Variants in INPP4B observed in about 807,000 individuals in gnomAD.
INPP4B encodes the protein inositol polyphosphate-4-phosphatase type II B.
INPP4B carries 55 observed loss-of-function variants against 122.5 expected under a neutral mutation model. That is an observed-to-expected ratio of 0.45 (90% CI 0.36 to 0.56). The LOEUF is 0.56. Among genes scored for constraint, INPP4B ranks in the 20% least tolerant of loss-of-function variants. The pLI, the probability that INPP4B is intolerant of heterozygous loss-of-function variation, is 0.00. For missense variants in INPP4B, 1,000 were observed against 1,097.7 expected (o/e 0.91, Z 1.26); for synonymous variants, 403 against 388.7 (o/e 1.04, Z -0.43).
intron 15 of INPP4B, among the ~76,000 whole-genome samples, chr4:142,182,238 C>T (rs917623930): frequency 6.6e-6 from 1 of 152,058 alleles, no homozygotes; most frequent in Non-Finnish European, 1.5e-5. Context: ...CTGGGATCCT[C>T]TCTAAGTTCT....
At chr4:142,060,455 C>T (rs1253935558) in intron 25 of INPP4B, among the ~76,000 whole-genome samples, 1 of 152,160 alleles carries the variant, frequency 6.6e-6, no homozygotes. Flanking sequence ...ATTTATTACA[C>T]AGTGAGACAA....
intron 25 of INPP4B, among the ~76,000 whole-genome samples, chr4:142,059,797 T>C (rs1350277680): frequency 2.6e-5 from 4 of 152,146 alleles, no homozygotes; most frequent in Admixed American, 2.0e-4. Flanking sequence ...GCATAACATA[T>C]AGCTAGCTCA....
intron 2 of INPP4B, among the ~76,000 whole-genome samples, chr4:142,670,730 T>TGAAC (rs1407067065): frequency 6.6e-6 from 1 of 152,076 alleles, no homozygotes; most frequent in Non-Finnish European, 1.5e-5. Flanking sequence ...AAGAGATCAT[T>TGAAC]ACACAACATG....
At chr4:142,227,871 A>G (rs1305926508) in intron 12 of INPP4B, among the ~76,000 whole-genome samples, 4 of 150,322 alleles carry the variant, frequency 2.7e-5, no homozygotes, top group Non-Finnish European at 5.9e-5. Flanking sequence ...AAAAAAAAAA[A>G]AAAAAAAAAG....
intron 25 of INPP4B, among the ~76,000 whole-genome samples, chr4:142,071,500 C>T (rs1426148022): frequency 6.6e-6 from 1 of 152,118 alleles, no homozygotes; most frequent in Non-Finnish European, 1.5e-5. Context: ...TCTAATTAAA[C>T]TAAAGAGCTT....
intron 4 of INPP4B, among the ~76,000 whole-genome samples, chr4:142,430,050 T>C (rs1311746124): frequency 6.6e-6 from 1 of 152,018 alleles, no homozygotes; most frequent in Non-Finnish European, 1.5e-5. Flanking sequence ...AATGAAAGAG[T>C]ATTATACAAA....
chr4:142,075,678 A>T (rs1173266552), intron 25 of INPP4B, among the ~76,000 whole-genome samples: 1 of 151,958 alleles, frequency 6.6e-6, no homozygotes, highest in East Asian at 1.9e-4. Flanking sequence ...GAGTGTAGAG[A>T]GCAAGGGTAA....
intron 16 of INPP4B, among the ~76,000 whole-genome samples, chr4:142,167,440 A>G (rs1169671365): frequency 6.6e-6 from 1 of 151,738 alleles, no homozygotes; most frequent in Non-Finnish European, 1.5e-5. Flanking sequence ...TAGCTAATGC[A>G]TGCAGTGTTT....
intron 2 of INPP4B, among the ~76,000 whole-genome samples, chr4:142,634,983 G>T (rs977488093): frequency 6.6e-6 from 1 of 151,962 alleles, no homozygotes; most frequent in African/African-American, 2.4e-5. Flanking sequence ...CTAATATCCA[G>T]CATCTATAAC....
intron 3 of INPP4B, among the ~76,000 whole-genome samples, chr4:142,450,975 T>TCCC (rs34678278): frequency 4.1e-5 from 6 of 146,222 alleles, no homozygotes; most frequent in African/African-American, 1.3e-4. Context: ...TAAAATTAAC[T>TCCC]CCCCCCCCCA....
intron 11 of INPP4B, among the ~76,000 whole-genome samples, chr4:142,257,727 T>A (rs1473798793): frequency 6.6e-6 from 1 of 152,034 alleles, no homozygotes; most frequent in African/African-American, 2.4e-5. Context: ...AATAGAACAT[T>A]CTATGCTCAT....
intron 2 of INPP4B, among the ~76,000 whole-genome samples, chr4:142,521,970 A>G (rs1053392456): frequency 3.9e-5 from 6 of 152,120 alleles, no homozygotes; most frequent in Non-Finnish European, 7.4e-5. Context: ...TGAATTAACT[A>G]AAACATTCTT....
rs1210728512 is a variant in INPP4B, at chr4:142,408,082, G to A, written c.137-2758C>T. Among the ~76,000 whole-genome samples, 3 of 152,214 alleles carry A rather than the reference G, an allele frequency of 2.0e-5. No individual in the cohort carries two copies. In the East Asian group the frequency reaches 5.8e-4, roughly 29 times the overall value. ...TACATGAGTCATTGCATTTCATAAG[G>A]TGAAACCTATTCACATCATGGATCT... On this transcript the variant is annotated intron_variant, in intron 5 of 25. Coordinates refer to ENST00000262992, the MANE Select transcript of INPP4B (RefSeq NM_001101669.3).
At chr4:142,263,904 C>T (rs927390291) in intron 10 of INPP4B, among the ~76,000 whole-genome samples, 2 of 151,588 alleles carry the variant, frequency 1.3e-5, no homozygotes, top group Non-Finnish European at 2.9e-5. Flanking sequence ...CTTGAGTTGG[C>T]AACGTACCTG....
At chr4:142,746,718 C>T (rs537886589) in intron 1 of INPP4B, among the ~76,000 whole-genome samples, 46 of 152,176 alleles carry the variant, frequency 3.0e-4, no homozygotes, top group African/African-American at 1.1e-3. Flanking sequence ...AATAATGTCA[C>T]ACATCTACAA....
At chr4:142,642,896 A>G (rs1264702274) in intron 2 of INPP4B, among the ~76,000 whole-genome samples, 1 of 152,190 alleles carries the variant, frequency 6.6e-6, no homozygotes, top group Non-Finnish European at 1.5e-5. Flanking sequence ...CTTTCTATCC[A>G]TGAGCATGGA....
chr4:142,383,862 T>C (rs1795043254), intron 7 of INPP4B: 5 of 498,984 alleles, frequency 1.0e-5, no homozygotes, highest in Admixed American at 3.6e-5. Context: ...CTTTGAATAA[T>C]ATCCGGGTGG....
chr4:142,586,270 C>T (rs184246365), intron 2 of INPP4B, among the ~76,000 whole-genome samples: 114 of 152,000 alleles, frequency 7.5e-4, no homozygotes, highest in Non-Finnish European at 1.5e-3. Context: ...CAAGATCGCT[C>T]ACCACTGCAC....
At chr4:142,803,940 T>C (rs1373431623) in intron 1 of INPP4B, among the ~76,000 whole-genome samples, 1 of 151,900 alleles carries the variant, frequency 6.6e-6, no homozygotes, top group Non-Finnish European at 1.5e-5. Flanking sequence ...GTGCCTATAA[T>C]CCTAGCTACT....
Sources: allele counts gnomAD v4.1 joint callset (sites outside exome capture counted in the v4.1 genomes callset), GRCh38; gene constraint gnomAD v4.1.1; transcripts MANE v1.5; gene names NCBI Gene and HGNC (gene_info 2026-07-23, HGNC 2026-07-21).